The following GNAQ variants were observed in gnomAD, a reference collection of about 807,000 sequenced individuals.
GNAQ encodes G protein subunit alpha q, also known as guanine nucleotide-binding protein G(q) subunit alpha.
In GNAQ, 8 loss-of-function variants were observed where a neutral mutation model predicts 43.9. The observed-to-expected ratio is 0.18, with a 90% confidence interval of 0.11 to 0.33. The LOEUF (loss-of-function observed/expected upper bound fraction) is 0.33, where lower values mean the gene tolerates loss of function less well. Among genes scored for constraint, GNAQ ranks in the 10% least tolerant of loss-of-function variants. GNAQ has a pLI of 1.00. For missense variants in GNAQ, 158 were observed against 450.8 expected (o/e 0.35, Z 5.88); for synonymous variants, 155 against 170.7 (o/e 0.91, Z 0.71).
chr9:77,815,169 C>A (rs1826992166), intron 3 of GNAQ, among the ~76,000 whole-genome samples: 1 of 152,162 alleles, frequency 6.6e-6, no homozygotes, highest in Non-Finnish European at 1.5e-5. Flanking sequence ...ACCAGGAAGT[C>A]TGATGTTTTA....
At chr9:77,928,947 G>A (rs370658090) in intron 1 of GNAQ, among the ~76,000 whole-genome samples, 1 of 152,262 alleles carries the variant, frequency 6.6e-6, no homozygotes, top group Admixed American at 6.5e-5. Context: ...GAACCAGGGA[G>A]GCGGACATCA....
At chr9:77,900,763 T>C (rs1472525375) in intron 2 of GNAQ, among the ~76,000 whole-genome samples, 1 of 152,142 alleles carries the variant, frequency 6.6e-6, no homozygotes, top group Non-Finnish European at 1.5e-5. Flanking sequence ...CTTACCCTTC[T>C]TTCTTGGCAG....
At chr9:77,758,075 G>A (rs779520392) in intron 5 of GNAQ, among the ~76,000 whole-genome samples, 2 of 152,164 alleles carry the variant, frequency 1.3e-5, no homozygotes, top group Admixed American at 6.5e-5. Context: ...AAGCTAAGTC[G>A]AAGTCAGAAA....
chr9:77,864,744 A>C (rs1048245007), intron 2 of GNAQ, among the ~76,000 whole-genome samples: 15 of 152,224 alleles, frequency 9.9e-5, no homozygotes, highest in African/African-American at 3.6e-4. Context: ...CAATGGTTTA[A>C]GTTACTAAAC....
At chr9:77,924,262 T>C (rs1335343046) in intron 1 of GNAQ, among the ~76,000 whole-genome samples, 1 of 152,170 alleles carries the variant, frequency 6.6e-6, no homozygotes, top group East Asian at 1.9e-4. Flanking sequence ...CTACCATCTC[T>C]CTAGTAGAAA....
chr9:78,012,238 CTT>C (rs1166567926), intron 1 of GNAQ, among the ~76,000 whole-genome samples: 20 of 135,134 alleles, frequency 1.5e-4, no homozygotes, highest in Admixed American at 3.0e-4. Flanking sequence ...AAGGCATTTT[CTT>C]TTTTTTTTTT....
intron 5 of GNAQ, among the ~76,000 whole-genome samples, chr9:77,757,244 G>A (rs57226706): frequency 3.3e-5 from 5 of 152,026 alleles, no homozygotes; most frequent in Admixed American, 6.6e-5. Context: ...ATCCCCATAA[G>A]CACGACAAAC....
intron 2 of GNAQ, among the ~76,000 whole-genome samples, chr9:77,824,918 G>A (rs961611116): frequency 5.3e-5 from 8 of 152,156 alleles, no homozygotes; most frequent in Admixed American, 1.3e-4. Flanking sequence ...CGGAAAGAAA[G>A]TCATTTGATC....
At chr9:78,021,133 C>G (rs1166600095) in intron 1 of GNAQ, among the ~76,000 whole-genome samples, 1 of 150,850 alleles carries the variant, frequency 6.6e-6, no homozygotes, top group East Asian at 2.0e-4. Context: ...CACTGCAGCC[C>G]TGACCACCCA....
At chr9:77,859,947 G>A (rs1827816370) in intron 2 of GNAQ, among the ~76,000 whole-genome samples, 1 of 152,086 alleles carries the variant, frequency 6.6e-6, no homozygotes, top group South Asian at 2.1e-4. Context: ...GTAAAAAAAT[G>A]TTTAACTTCT....
At chr9:77,758,194 T>A (rs958450584) in intron 5 of GNAQ, among the ~76,000 whole-genome samples, 2 of 152,380 alleles carry the variant, frequency 1.3e-5, no homozygotes, top group Admixed American at 1.3e-4. Flanking sequence ...TTACATTTGC[T>A]TTCAGTTTTA....
intron 2 of GNAQ, among the ~76,000 whole-genome samples, chr9:77,853,142 T>C (rs1303374422): frequency 6.6e-6 from 1 of 152,216 alleles, no homozygotes; most frequent in Admixed American, 6.5e-5. Context: ...TAGAAAGCAG[T>C]ACACTACATG....
Position 77,716,400 on chromosome 9 carries a change from T to C in GNAQ, c.*4923A>G, listed in dbSNP as rs1252863109. The C allele has an allele frequency of 1.3e-5, 3 of 232,590 alleles. No individual in the cohort carries two copies. Among genetic ancestry groups the C allele is most frequent in the Non-Finnish European group, 2.5e-5 (3 of 117,670 alleles). 14.4% of individuals were successfully genotyped at this position (232,590 alleles called of 1,614,324 possible). A position where few individuals can be genotyped will look rare whatever the true frequency, so the allele number is the denominator to read the frequency against. On this transcript the variant is annotated 3_prime_UTR_variant, in exon 7 of 7. Coordinates refer to ENST00000286548, the MANE Select transcript of GNAQ (RefSeq NM_002072.5). ...AGACAGTACATGCATTTGAATGACA[T>C]TTTAGGAACAGTAAATATTCTTTTA...
intron 5 of GNAQ, among the ~76,000 whole-genome samples, chr9:77,750,723 T>C (rs1180884343): frequency 6.6e-6 from 1 of 152,222 alleles, no homozygotes; most frequent in East Asian, 1.9e-4. Context: ...ACTTGCTATA[T>C]TAACCTCCCT....
chr9:77,750,431 GT>G (rs1825795524), intron 5 of GNAQ, among the ~76,000 whole-genome samples: 2 of 152,038 alleles, frequency 1.3e-5, no homozygotes, highest in Admixed American at 1.3e-4. Flanking sequence ...AATGTAAGAG[GT>G]TTTTGTGATA....
intron 1 of GNAQ, among the ~76,000 whole-genome samples, chr9:78,010,983 A>G (rs1823766248): frequency 6.6e-6 from 1 of 152,148 alleles, no homozygotes; most frequent in African/African-American, 2.4e-5. Context: ...GACTTGACAT[A>G]TTTACTGGAA....
At chr9:77,826,134 G>A (rs1033118139) in intron 2 of GNAQ, among the ~76,000 whole-genome samples, 1 of 152,124 alleles carries the variant, frequency 6.6e-6, no homozygotes, top group Non-Finnish European at 1.5e-5. Context: ...CTATTGTCAA[G>A]AATAATGAGA....
chr9:78,001,747 A>G (rs999410426), intron 1 of GNAQ, among the ~76,000 whole-genome samples: 1 of 152,150 alleles, frequency 6.6e-6, no homozygotes, highest in Admixed American at 6.5e-5. Flanking sequence ...CCCATAAAAG[A>G]AGGTATTATT....
chr9:77,757,290 C>G (rs918605535), intron 5 of GNAQ, among the ~76,000 whole-genome samples: 4 of 152,098 alleles, frequency 2.6e-5, no homozygotes, highest in Non-Finnish European at 5.9e-5. Flanking sequence ...GCAAGGCAAC[C>G]ATCCTTAAAA....
Sources: gnomAD v4.1 joint callset for allele counts (sites outside exome capture counted in the v4.1 genomes callset) on GRCh38, gnomAD v4.1.1 for gene constraint, MANE v1.5 for transcripts, NCBI Gene and HGNC (gene_info 2026-07-23, HGNC 2026-07-21) for gene names.